Variants in FIP1L1 observed in about 807,000 individuals in gnomAD.
The protein encoded by FIP1L1 is factor interacting with PAPOLA and CPSF1, also known as pre-mRNA 3'-end-processing factor FIP1.
FIP1L1 carries 21 observed loss-of-function variants against 84.6 expected under a neutral mutation model. That is an observed-to-expected ratio of 0.25 (90% CI 0.18 to 0.36). The LOEUF is 0.36. Among genes scored for constraint, FIP1L1 ranks in the 10% least tolerant of loss-of-function variants. FIP1L1 has a pLI of 1.00. For synonymous variants in FIP1L1, 263 were observed against 242.3 expected (o/e 1.09, Z -0.80); for missense variants, 526 against 751.1 (o/e 0.70, Z 3.50).
At chr4:53,448,016 G>GT (rs1209900607) in intron 15 of FIP1L1, among the ~76,000 whole-genome samples, 1 of 151,878 alleles carries the variant, frequency 6.6e-6, no homozygotes, top group Non-Finnish European at 1.5e-5. Flanking sequence ...GTTTTTCCTT[G>GT]TATGTCATCA....
rs113932708 is a variant in FIP1L1, at chr4:53,443,523, T to C, written c.1230-525T>C. 2.7e-3 allele frequency among the ~76,000 whole-genome samples: 407 copies of C among 152,254 alleles called. 2 individuals carry two copies. Among genetic ancestry groups the C allele is most frequent in the South Asian group, 5.2e-3 (25 of 4,828 alleles). On this transcript the variant is annotated intron_variant, in intron 14 of 17. Transcript: ENST00000337488. Reference sequence around the variant, plus strand: ...AAAAAGGCAAAATATGTGAGAACTTTACATCAGTAGCATCAAACCCTGCAT... The same window carrying C: ...AAAAAGGCAAAATATGTGAGAACTTCACATCAGTAGCATCAAACCCTGCAT...
intron 10 of FIP1L1, among the ~76,000 whole-genome samples, chr4:53,408,078 T>G (rs567864535): frequency 6.6e-6 from 1 of 152,354 alleles, no homozygotes; most frequent in Admixed American, 6.5e-5. Flanking sequence ...TGATGCAGTT[T>G]CTTCCTATCC....
intron 13 of FIP1L1, among the ~76,000 whole-genome samples, chr4:53,431,623 G>GT (rs1766708351): frequency 6.7e-6 from 1 of 150,338 alleles, no homozygotes; most frequent in Non-Finnish European, 1.5e-5. Flanking sequence ...GTTTTGTTTT[G>GT]TTTTGTTTTC....
intron 7 of FIP1L1, 141 bp downstream of exon 7, chr4:53,390,769 G>T (rs2149379805): frequency 1.6e-6 from 1 of 622,362 alleles, no homozygotes; most frequent in Non-Finnish European, 2.7e-6. Context: ...TAATGACTTG[G>T]GATTATTAAA....
intron 4 of FIP1L1, 48 bp downstream of exon 4, chr4:53,382,383 T>C (rs1738566652): frequency 2.8e-6 from 4 of 1,448,688 alleles, no homozygotes; most frequent in South Asian, 2.3e-5. Flanking sequence ...TCTTTATCAA[T>C]AGCTTCACAG....
chr4:53,420,299 G>A (rs541610499), intron 11 of FIP1L1, among the ~76,000 whole-genome samples: 1 of 149,400 alleles, frequency 6.7e-6, no homozygotes, highest in East Asian at 2.0e-4. Context: ...GGGCGTGGTA[G>A]CATGCGTCCG....
chr4:53,389,789 TTTTG>T lies in FIP1L1; in HGVS notation c.333-8_333-5del, dbSNP rs757196045. On this transcript the variant is annotated splice_polypyrimidine_tract_variant and intron_variant, in intron 5 of 17. Transcript: ENST00000337488. ...GCTTTTCAGGATAATTTCTGTTTTT[TTTTG>T]TTTGTTTGTTTTTAGGAGTTATGGT... The T allele has an allele frequency of 2.6e-5, 41 of 1,589,406 alleles. No homozygotes were observed. Among genetic ancestry groups the T allele is most frequent in the Admixed American group, 9.0e-5 (5 of 55,304 alleles).
At chr4:53,443,416 T>G (rs1475626682) in intron 14 of FIP1L1, among the ~76,000 whole-genome samples, 1 of 152,158 alleles carries the variant, frequency 6.6e-6, no homozygotes, top group Non-Finnish European at 1.5e-5. Context: ...AAATCACTAA[T>G]AAGAGTTATT....
At chr4:53,385,363 C>T (rs1187357348) in intron 5 of FIP1L1, among the ~76,000 whole-genome samples, 14 of 151,972 alleles carry the variant, frequency 9.2e-5, no homozygotes, top group East Asian at 5.8e-4. Context: ...ATTAAATATA[C>T]GTGGACTTCC....
chr4:53,425,845 T>C lies in FIP1L1; in HGVS notation c.924-27T>C, dbSNP rs374531802. On this transcript the variant is annotated intron_variant, in intron 11 of 17. Coordinates refer to ENST00000337488, the MANE Select transcript of FIP1L1 (RefSeq NM_030917.4). ...TTTTAAGCATCTAATTAGGTGAAAC[T>C]GAATTGATTCAATTTTTATGTTACA... 7.2e-6 allele frequency: 11 copies of C among 1,528,072 alleles called. No homozygotes were observed. In the South Asian group the frequency reaches 8.1e-5, roughly 11 times the overall value. 94.7% of individuals were successfully genotyped at this position (1,528,072 alleles called of 1,614,324 possible). A position where few individuals can be genotyped will look rare whatever the true frequency, so the allele number is the denominator to read the frequency against.
chr4:53,414,532 T>C (rs1758575285), intron 10 of FIP1L1, 83 bp from the exon 11 acceptor site: 7 of 776,560 alleles, frequency 9.0e-6, no homozygotes, highest in East Asian at 2.7e-5. Flanking sequence ...AGAAAAAGCA[T>C]GTCAAGAAAA....
chr4:53,443,340 T>C (rs1490862734), intron 14 of FIP1L1, among the ~76,000 whole-genome samples: 1 of 149,926 alleles, frequency 6.7e-6, no homozygotes, highest in African/African-American at 2.4e-5. Flanking sequence ...CCAAAAGGGT[T>C]GATAGAATTG....
chr4:53,403,855 G>C (rs1344484769), intron 10 of FIP1L1, among the ~76,000 whole-genome samples: 1 of 152,044 alleles, frequency 6.6e-6, no homozygotes, highest in Non-Finnish European at 1.5e-5. Flanking sequence ...GGTTGTGCTG[G>C]TATTCAGAAA....
At chr4:53,415,629 A>C (rs550602813) in intron 11 of FIP1L1, among the ~76,000 whole-genome samples, 54 of 152,264 alleles carry the variant, frequency 3.5e-4, no homozygotes, top group African/African-American at 1.3e-3. Context: ...AAAACTTAAA[A>C]AATACAAATG....
intron 13 of FIP1L1, among the ~76,000 whole-genome samples, chr4:53,441,506 T>C (rs1239645445): frequency 6.6e-6 from 1 of 151,984 alleles, no homozygotes; most frequent in Non-Finnish European, 1.5e-5. Context: ...GAAATAGGAT[T>C]GTGGACTTTA....
At chr4:53,401,811 A>C (rs1461553428) in intron 10 of FIP1L1, among the ~76,000 whole-genome samples, 1 of 152,182 alleles carries the variant, frequency 6.6e-6, no homozygotes, top group African/African-American at 2.4e-5. Context: ...GCAAGTGGGA[A>C]ATTTGAGTAG....
chr4:53,432,729 A>G (rs1202201279), intron 13 of FIP1L1, among the ~76,000 whole-genome samples: 4 of 152,334 alleles, frequency 2.6e-5, no homozygotes, highest in Admixed American at 1.3e-4. Flanking sequence ...TCATCTGAGT[A>G]ATAGCTAGAA....
chr4:53,438,744 C>A (rs192255186), intron 13 of FIP1L1, among the ~76,000 whole-genome samples: 23 of 152,138 alleles, frequency 1.5e-4, no homozygotes, highest in Non-Finnish European at 2.9e-4. Context: ...GTACTTAATT[C>A]TTTGGTCATA....
At chr4:53,390,310 GCA>G (rs1198852224) in intron 6 of FIP1L1, among the ~76,000 whole-genome samples, 1 of 152,080 alleles carries the variant, frequency 6.6e-6, no homozygotes, top group Non-Finnish European at 1.5e-5. Flanking sequence ...AGTTTTTCTG[GCA>G]AGAGTCCAGT....
Sources: allele counts gnomAD v4.1 joint callset (sites outside exome capture counted in the v4.1 genomes callset), GRCh38; gene constraint gnomAD v4.1.1; transcripts MANE v1.5; gene names NCBI Gene and HGNC (gene_info 2026-07-23, HGNC 2026-07-21).